KCTD16: variants seen among roughly 807,000 people sequenced by gnomAD.
KCTD16 encodes BTB/POZ domain-containing protein KCTD16.
KCTD16 carries 13 observed loss-of-function variants against 33.2 expected under a neutral mutation model. That is an observed-to-expected ratio of 0.39 (90% CI 0.25 to 0.62). The LOEUF is 0.62. Ranked by LOEUF, KCTD16 falls within the 20% of genes least tolerant of loss-of-function variation. The probability of loss-of-function intolerance (pLI) is 0.50; values close to 1 mark genes in which losing one functional copy is unlikely to be tolerated. For synonymous variants in KCTD16, 197 were observed against 195.3 expected (o/e 1.01, Z -0.07); for missense variants, 441 against 525.1 (o/e 0.84, Z 1.57).
intron 3 of KCTD16, among the ~76,000 whole-genome samples, chr5:144,240,416 A>T (rs1580813027): frequency 6.6e-6 from 1 of 151,326 alleles, no homozygotes; most frequent in East Asian, 1.9e-4. Context: ...AAATTTTGAG[A>T]TAATGTAAGT....
chr5:144,463,536 A>G (rs1754251581), intron 3 of KCTD16, among the ~76,000 whole-genome samples: 1 of 152,172 alleles, frequency 6.6e-6, no homozygotes, highest in Non-Finnish European at 1.5e-5. Context: ...TTTTTGATGA[A>G]GAAGCTGCAA....
chr5:144,292,200 G>A (rs1226995035), intron 3 of KCTD16, among the ~76,000 whole-genome samples: 1 of 152,244 alleles, frequency 6.6e-6, no homozygotes, highest in Non-Finnish European at 1.5e-5. Flanking sequence ...GGGCCTGTGA[G>A]AGCATTGGCA....
At chr5:144,200,940 G>A (rs1263588299) in intron 2 of KCTD16, among the ~76,000 whole-genome samples, 1 of 152,138 alleles carries the variant, frequency 6.6e-6, no homozygotes, top group African/African-American at 2.4e-5. Flanking sequence ...TAGAGACAGG[G>A]TCTTGCTGTT....
In KCTD16 at chr5:144,286,061, A is replaced by G. The variant is rs554343517; in HGVS notation, c.832+78515A>G. ...TTTATTTTGTTTTCAATCATCACCA[A>G]TTGCCCAGCAGAATTTATTTGATCT... On this transcript the variant is annotated intron_variant, in intron 3 of 3. Transcript: ENST00000512467. Among the ~76,000 whole-genome samples, 147 of 151,390 alleles carry G rather than the reference A, an allele frequency of 9.7e-4. 1 individual carries two copies. Among genetic ancestry groups the G allele is most frequent in the African/African-American group, 3.4e-3 (142 of 41,234 alleles).
At chr5:144,441,744 A>G (rs563034183) in intron 3 of KCTD16, among the ~76,000 whole-genome samples, 2 of 151,222 alleles carry the variant, frequency 1.3e-5, no homozygotes, top group Admixed American at 6.6e-5. Flanking sequence ...TAAATTTTGA[A>G]ATCAGGATAT....
intron 3 of KCTD16, among the ~76,000 whole-genome samples, chr5:144,453,110 A>G (rs967728057): frequency 2.6e-5 from 4 of 152,126 alleles, no homozygotes; most frequent in Admixed American, 2.0e-4. Context: ...GGTTAGGGCC[A>G]TGATCTGTAA....
chr5:144,476,741 C>T lies in KCTD16; in HGVS notation c.*2627C>T, dbSNP rs1000352889. On this transcript the variant is annotated 3_prime_UTR_variant, in exon 4 of 4. Coordinates refer to ENST00000512467, the MANE Select transcript of KCTD16 (RefSeq NM_020768.4). ...TTGAGTGGAGTTATCAAGTGAGGTC[C>T]AGGTAGCCTGCAACACTGGAAATGA... 12 of 152,080 alleles carry T rather than the reference C, an allele frequency of 7.9e-5. No individual in the cohort carries two copies. Among genetic ancestry groups the T allele is most frequent in the African/African-American group, 2.9e-4 (12 of 41,410 alleles). 9.4% of individuals were successfully genotyped at this position (152,080 alleles called of 1,614,324 possible).
rs115381497 is a variant in KCTD16, at chr5:144,347,698, G to C, written c.833-125962G>C. On this transcript the variant is annotated intron_variant, in intron 3 of 3. Coordinates refer to ENST00000512467, the MANE Select transcript of KCTD16 (RefSeq NM_020768.4). ...AGGCAGAGGAAACAGCAAGTGAAAA[G>C]GCTGAGTCTGGGATTTCTCGGAAGT... Among the ~76,000 whole-genome samples the C allele has an allele frequency of 2.2e-3, 331 of 152,300 alleles. 1 individual carries two copies. Among genetic ancestry groups the C allele is most frequent in the African/African-American group, 7.2e-3 (300 of 41,564 alleles).
chr5:144,343,333 C>A (rs1215559869), intron 3 of KCTD16, among the ~76,000 whole-genome samples: 4 of 151,834 alleles, frequency 2.6e-5, no homozygotes, highest in African/African-American at 9.7e-5. Flanking sequence ...AGGAATTTAT[C>A]CATTTCTTCT....
At chr5:144,407,592 A>C (rs775666560) in intron 3 of KCTD16, among the ~76,000 whole-genome samples, 2 of 152,018 alleles carry the variant, frequency 1.3e-5, no homozygotes, top group East Asian at 3.9e-4. Context: ...GGTTTGTTAC[A>C]TAGGTATACA....
intron 3 of KCTD16, among the ~76,000 whole-genome samples, chr5:144,208,047 G>A (rs533433428): frequency 5.9e-5 from 9 of 152,248 alleles, no homozygotes; most frequent in East Asian, 5.8e-4. Context: ...TGGCTAGATG[G>A]CAGTACAGAC....
At chr5:144,247,911 C>A (rs971459604) in intron 3 of KCTD16, among the ~76,000 whole-genome samples, 2 of 152,210 alleles carry the variant, frequency 1.3e-5, no homozygotes, top group Non-Finnish European at 2.9e-5. Context: ...CTGCAAGCAA[C>A]ACCTGATGAG....
chr5:144,377,678 C>T (rs1161367903), intron 3 of KCTD16: 3 of 152,160 alleles, frequency 2.0e-5, no homozygotes, highest in Non-Finnish European at 4.4e-5. Context: ...AAAAATCCAT[C>T]AGCCAAGAAT....
rs2127005057 is a variant in KCTD16, at chr5:144,477,150, G to T, written c.*3036G>T. ...CCCACTATCAAAAATGAACTGATCT[G>T]CATTCAGCAGGAAAAGGGGAAGACA... On this transcript the variant is annotated 3_prime_UTR_variant, in exon 4 of 4. Coordinates refer to ENST00000512467, the MANE Select transcript of KCTD16 (RefSeq NM_020768.4). 1 of 152,144 alleles carries T rather than the reference G, an allele frequency of 6.6e-6. No homozygotes were observed. Among genetic ancestry groups the T allele is most frequent in the African/African-American group, 2.4e-5 (1 of 41,522 alleles). 9.4% of individuals were successfully genotyped at this position (152,144 alleles called of 1,614,324 possible). A position where few individuals can be genotyped will look rare whatever the true frequency, so the allele number is the denominator to read the frequency against.
At chr5:144,406,294 CAGTT>C (rs1309483756) in intron 3 of KCTD16, among the ~76,000 whole-genome samples, 6 of 152,210 alleles carry the variant, frequency 3.9e-5, no homozygotes, top group East Asian at 3.9e-4. Context: ...TCATGAGGCA[CAGTT>C]AGTTAGTTCC....
chr5:144,199,539 A>G (rs1173860216), intron 2 of KCTD16, among the ~76,000 whole-genome samples: 2 of 152,076 alleles, frequency 1.3e-5, no homozygotes, highest in Non-Finnish European at 1.5e-5. Context: ...TTGTGCAGCT[A>G]TGTTTTTCAT....
At chr5:144,378,800 A>T (rs1752148612) in intron 3 of KCTD16, among the ~76,000 whole-genome samples, 1 of 152,186 alleles carries the variant, frequency 6.6e-6, no homozygotes, top group South Asian at 2.1e-4. Context: ...GCATGGATTG[A>T]GCTGAACCAA....
At chr5:144,270,878 A>G (rs1755274023) in intron 3 of KCTD16, among the ~76,000 whole-genome samples, 1 of 151,966 alleles carries the variant, frequency 6.6e-6, no homozygotes, top group Non-Finnish European at 1.5e-5. Context: ...ATTGTAAGAG[A>G]GTACTATAAA....
chr5:144,415,487 C>A (rs1215513994), intron 3 of KCTD16, among the ~76,000 whole-genome samples: 3 of 152,120 alleles, frequency 2.0e-5, no homozygotes, highest in Non-Finnish European at 4.4e-5. Flanking sequence ...TCACACTTAT[C>A]CATTTTATGA....
Sources: allele counts gnomAD v4.1 joint callset (sites outside exome capture counted in the v4.1 genomes callset), GRCh38; gene constraint gnomAD v4.1.1; transcripts MANE v1.5; gene names NCBI Gene and HGNC (gene_info 2026-07-23, HGNC 2026-07-21).